Variants in CPNE4 observed in about 807,000 individuals in gnomAD.
CPNE4 encodes copine-4.
In CPNE4, 25 loss-of-function variants were observed where a neutral mutation model predicts 67.9. The observed-to-expected ratio is 0.37, with a 90% CI of 0.27 to 0.51. CPNE4 has a LOEUF of 0.51. Ranked by LOEUF, CPNE4 falls within the 20% of genes least tolerant of loss-of-function variation. The pLI is 0.93. For missense variants in CPNE4, 464 were observed against 690.8 expected (o/e 0.67, Z 3.68); for synonymous variants, 242 against 244.9 (o/e 0.99, Z 0.11).
At chr3:131,910,336 T>C (rs186441317) in intron 1 of CPNE4, among the ~76,000 whole-genome samples, 51 of 152,284 alleles carry the variant, frequency 3.3e-4, no homozygotes, top group Admixed American at 7.2e-4. Context: ...CCTTCAGATA[T>C]CACTGGCCTT....
At chr3:131,719,802 C>G (rs1223477393) in intron 3 of CPNE4, among the ~76,000 whole-genome samples, 4 of 152,198 alleles carry the variant, frequency 2.6e-5, no homozygotes, top group Non-Finnish European at 5.9e-5. Context: ...TGTAGTGGTT[C>G]CAGGAATCAC....
intron 1 of CPNE4, among the ~76,000 whole-genome samples, chr3:131,944,051 T>A (rs1450181138): frequency 6.6e-6 from 1 of 152,160 alleles, no homozygotes; most frequent in African/African-American, 2.4e-5. Flanking sequence ...AGTGTCCCTC[T>A]TTGAAGACAA....
chr3:131,724,607 GCCTCTATA>G (rs1158603675), intron 2 of CPNE4, among the ~76,000 whole-genome samples: 7 of 152,184 alleles, frequency 4.6e-5, no homozygotes, highest in African/African-American at 1.7e-4. Context: ...GTGCAGGCAT[GCCTCTATA>G]CACACACATT....
chr3:131,804,053 C>T (rs562380066), intron 2 of CPNE4, among the ~76,000 whole-genome samples: 13 of 152,196 alleles, frequency 8.5e-5, no homozygotes, highest in African/African-American at 3.1e-4. Flanking sequence ...TCTCTCTCTC[C>T]CTCTCTAATA....
At chr3:131,861,685 G>C (rs140291390) in intron 2 of CPNE4, among the ~76,000 whole-genome samples, 1 of 151,982 alleles carries the variant, frequency 6.6e-6, no homozygotes, top group African/African-American at 2.4e-5. Context: ...CACCGGCCTC[G>C]GCCTCACAAA....
At chr3:131,870,308 G>C (rs2087142478) in intron 2 of CPNE4, among the ~76,000 whole-genome samples, 1 of 152,158 alleles carries the variant, frequency 6.6e-6, no homozygotes, top group African/African-American at 2.4e-5. Flanking sequence ...TAAAATTTTA[G>C]AGTTAAAAGG....
intron 5 of CPNE4, among the ~76,000 whole-genome samples, chr3:131,691,390 T>C (rs1343963187): frequency 2.0e-5 from 3 of 152,122 alleles, no homozygotes; most frequent in South Asian, 2.1e-4. Flanking sequence ...AATAATGTTT[T>C]CTGTAACACC....
chr3:131,815,009 T>C (rs996513932), intron 2 of CPNE4, among the ~76,000 whole-genome samples: 5 of 152,152 alleles, frequency 3.3e-5, no homozygotes, highest in Non-Finnish European at 7.4e-5. Context: ...GCCAACACCA[T>C]TTTAAGAGAC....
At chr3:131,646,352 C>T (rs1338079501) in intron 7 of CPNE4, among the ~76,000 whole-genome samples, 1 of 152,092 alleles carries the variant, frequency 6.6e-6, no homozygotes, top group Non-Finnish European at 1.5e-5. Flanking sequence ...AATCCTTTCC[C>T]CTACATATAG....
chr3:132,008,290 A>G (rs1395580499), intron 1 of CPNE4, among the ~76,000 whole-genome samples: 1 of 152,196 alleles, frequency 6.6e-6, no homozygotes, highest in Non-Finnish European at 1.5e-5. Flanking sequence ...AAAAATATCA[A>G]TTCTAGAGCA....
In CPNE4 at chr3:131,720,508, T is replaced by C. The variant is rs540850814; in HGVS notation, c.360+2938A>G. Reference sequence around the variant, plus strand: ...ACCGTGTTAGCCAGGATGGTCTCGATCTCCTGACCTTGTGATCCGCCTGCC... The same window carrying C: ...ACCGTGTTAGCCAGGATGGTCTCGACCTCCTGACCTTGTGATCCGCCTGCC... On this transcript the variant is annotated intron_variant, in intron 3 of 15. Transcript: ENST00000429747. Among the ~76,000 whole-genome samples, 7 of 152,144 alleles carry C rather than the reference T, an allele frequency of 4.6e-5. No homozygotes were observed. The East Asian group carries it at 1.4e-3, about 29-fold the overall frequency.
chr3:131,751,657 T>C (rs2082628102), intron 2 of CPNE4, among the ~76,000 whole-genome samples: 1 of 152,188 alleles, frequency 6.6e-6, no homozygotes, highest in African/African-American at 2.4e-5. Context: ...TTGTCTTTTC[T>C]CATTTGGTTT....
chr3:131,745,735 TTC>T, intron 2 of CPNE4, among the ~76,000 whole-genome samples: 1 of 152,162 alleles, frequency 6.6e-6, no homozygotes. Flanking sequence ...TTCTCTGTTG[TTC>T]TGTTACATTG....
intron 2 of CPNE4, among the ~76,000 whole-genome samples, chr3:131,773,450 C>G (rs1182493293): frequency 6.6e-6 from 1 of 151,970 alleles, no homozygotes. Flanking sequence ...TGGGTTCAAG[C>G]GATTCTCCTG....
intron 1 of CPNE4, among the ~76,000 whole-genome samples, chr3:132,018,312 G>C (rs1307525905): frequency 6.6e-6 from 1 of 152,176 alleles, no homozygotes; most frequent in African/African-American, 2.4e-5. Context: ...TTTCTGGTTA[G>C]AGAGTCCATA....
At chr3:131,554,436 C>T (rs1375270607) in intron 12 of CPNE4, among the ~76,000 whole-genome samples, 1 of 152,048 alleles carries the variant, frequency 6.6e-6, no homozygotes, top group African/African-American at 2.4e-5. Flanking sequence ...GTTGATAACT[C>T]TTGTTCTATA....
chr3:131,578,888 C>A (rs2107687476), intron 9 of CPNE4, among the ~76,000 whole-genome samples: 1 of 152,288 alleles, frequency 6.6e-6, no homozygotes, highest in South Asian at 2.1e-4. Flanking sequence ...GAAACTGTCT[C>A]TGTAACATAA....
At chr3:131,816,020 T>G (rs1415801966) in intron 2 of CPNE4, among the ~76,000 whole-genome samples, 1 of 152,204 alleles carries the variant, frequency 6.6e-6, no homozygotes, top group Non-Finnish European at 1.5e-5. Context: ...CATAGTTAGC[T>G]TGGCCTATGT....
At chr3:132,008,300 A>G (rs1464203329) in intron 1 of CPNE4, among the ~76,000 whole-genome samples, 2 of 152,240 alleles carry the variant, frequency 1.3e-5, no homozygotes, top group Non-Finnish European at 2.9e-5. Context: ...ATTCTAGAGC[A>G]GACTTGGTAT....
Sources: allele counts gnomAD v4.1 joint callset (sites outside exome capture counted in the v4.1 genomes callset), GRCh38; gene constraint gnomAD v4.1.1; transcripts MANE v1.5; gene names NCBI Gene and HGNC (gene_info 2026-07-23, HGNC 2026-07-21).